POU6F2: variants seen among roughly 807,000 people sequenced by gnomAD.
POU6F2 encodes the protein POU class 6 homeobox 2, also known as POU domain, class 6, transcription factor 2.
POU6F2 carries 31 observed loss-of-function variants against 71.3 expected under a neutral mutation model. The observed-to-expected ratio is 0.43, with a 90% CI of 0.33 to 0.59. POU6F2 has a LOEUF of 0.59. Ranked by LOEUF, POU6F2 falls within the 20% of genes least tolerant of loss-of-function variation. POU6F2 has a pLI of 0.04. For missense variants in POU6F2, 783 were observed against 856.8 expected, an observed-to-expected ratio of 0.91 and a Z score of 1.07; for synonymous variants, 347 against 355.7, an observed-to-expected ratio of 0.98 and a Z score of 0.27.
chr7:39,316,623 T>C (rs1233156546), intron 4 of POU6F2, among the ~76,000 whole-genome samples: 2 of 152,312 alleles, frequency 1.3e-5, no homozygotes, highest in Middle Eastern at 3.4e-3. Context: ...AAGACTTATG[T>C]CTTGGGAGCC....
intron 2 of POU6F2, among the ~76,000 whole-genome samples, chr7:39,150,988 A>C: frequency 6.6e-6 from 1 of 152,208 alleles, no homozygotes; most frequent in Middle Eastern, 3.4e-3. Flanking sequence ...CTGAAAAAAA[A>C]ATTCTTCTGA....
chr7:39,463,234 T>C (rs1216704229), intron 9 of POU6F2, among the ~76,000 whole-genome samples: 1 of 152,236 alleles, frequency 6.6e-6, no homozygotes, highest in African/African-American at 2.4e-5. Flanking sequence ...CTTAAAACAC[T>C]CTATATAATT....
chr7:39,062,444 G>A (rs150375863), intron 1 of POU6F2, among the ~76,000 whole-genome samples: 10 of 151,506 alleles, frequency 6.6e-5, no homozygotes, highest in Middle Eastern at 3.4e-3. Flanking sequence ...TTTATATACA[G>A]TTAGACTTTG....
chr7:39,408,149 C>T (rs887869745), intron 6 of POU6F2, among the ~76,000 whole-genome samples: 2 of 152,156 alleles, frequency 1.3e-5, no homozygotes, highest in African/African-American at 2.4e-5. Context: ...CACATCAGGT[C>T]GCTGCTTCGT....
rs1292182510 is a variant in POU6F2 at position 39,082,787 on chromosome 7, A to G, written c.106-3073A>G. Among the ~76,000 whole-genome samples the G allele has an allele frequency of 7.7e-5, 10 of 130,692 alleles. No individual in the cohort carries two copies. In the South Asian group the frequency reaches 1.3e-3, roughly 17 times the overall value. The allele number at this position is 130,692 out of a possible 152,430, so 85.7% of individuals were successfully genotyped here. On this transcript the variant is annotated intron_variant, in intron 1 of 9. Transcript: ENST00000518318. The stretch of plus-strand genomic sequence containing the variant: ...CTCACTAGGGGTTTGCTGTTTAACC[A>G]TGTCATGCACACACACACACACACA...
rs574059376 is a variant in POU6F2 at position 39,450,174 on chromosome 7, G to T, written c.1321-1359G>T. 4.1e-4 allele frequency among the ~76,000 whole-genome samples: 62 copies of T among 152,268 alleles called. 1 individual carries two copies. Among genetic ancestry groups the T allele is most frequent in the South Asian group, 1.0e-3 (5 of 4,826 alleles). On this transcript the variant is annotated intron_variant, in intron 7 of 9. Coordinates refer to ENST00000518318, the MANE Select transcript of POU6F2 (RefSeq NM_001370959.1). ...CTGGGAAAGCAGTGACAAATATGAA[G>T]TTGAAACACCCCAGGCTGGCTCTTA...
chr7:39,299,105 A>G (rs970318703), intron 4 of POU6F2, among the ~76,000 whole-genome samples: 2 of 152,198 alleles, frequency 1.3e-5, no homozygotes, highest in Non-Finnish European at 2.9e-5. Flanking sequence ...GCAAACCACC[A>G]TGGCACATGT....
intron 4 of POU6F2, among the ~76,000 whole-genome samples, chr7:39,299,132 C>T (rs12701722): frequency 0.46 from 69,560 of 151,906 alleles, 16,744 homozygotes; most frequent in Admixed American, 0.59. Context: ...ATGTAACAAA[C>T]CTGCACGTTC....
chr7:39,403,800 C>G (rs1787356239), intron 5 of POU6F2, among the ~76,000 whole-genome samples: 1 of 152,210 alleles, frequency 6.6e-6, no homozygotes, highest in South Asian at 2.1e-4. Context: ...CAGTCACAGA[C>G]AGAGAAGCCA....
At position 39,276,818 on chromosome 7, in the gene POU6F2, C is replaced by CGCATG. The variant is rs1562773408; in HGVS notation, c.599-62823_599-62819dup. Among the ~76,000 whole-genome samples, 5 of 150,914 alleles carry CGCATG rather than the reference C, an allele frequency of 3.3e-5. No homozygotes were observed. In the South Asian group the frequency reaches 6.3e-4, roughly 19 times the overall value. ...ATCGCAAGGACAAAAAACCAAACAC[C>CGCATG]GCATGTTCTCAGTCATAGATGGGAA... is the stretch of plus-strand genomic sequence containing the variant. On this transcript the variant is annotated intron_variant, in intron 4 of 9. Coordinates refer to ENST00000518318, the MANE Select transcript of POU6F2 (RefSeq NM_001370959.1).
chr7:39,361,967 G>A (rs1786398146), intron 5 of POU6F2, among the ~76,000 whole-genome samples: 1 of 152,192 alleles, frequency 6.6e-6, no homozygotes, highest in South Asian at 2.1e-4. Flanking sequence ...CAAGCGGCCA[G>A]CAGACAGGGC....
chr7:39,385,835 G>A (rs1786925705), intron 5 of POU6F2, among the ~76,000 whole-genome samples: 1 of 152,088 alleles, frequency 6.6e-6, no homozygotes, highest in Non-Finnish European at 1.5e-5. Flanking sequence ...CCTTTCTAGG[G>A]TGGCCTACAT....
At chr7:39,409,441 C>G (rs561390510) in intron 6 of POU6F2, among the ~76,000 whole-genome samples, 4 of 152,304 alleles carry the variant, frequency 2.6e-5, no homozygotes, top group African/African-American at 9.6e-5. Flanking sequence ...AAGCAAGATT[C>G]ATTAGTTAAG....
chr7:39,033,707 G>A (rs1200721165), intron 1 of POU6F2, among the ~76,000 whole-genome samples: 4 of 152,150 alleles, frequency 2.6e-5, no homozygotes, highest in Admixed American at 2.6e-4. Flanking sequence ...TGACTTTGAC[G>A]TGCAGTCCCT....
chr7:39,105,595 C>A (rs1436082846), intron 2 of POU6F2, among the ~76,000 whole-genome samples: 1 of 152,050 alleles, frequency 6.6e-6, no homozygotes, highest in African/African-American at 2.4e-5. Context: ...GAAGGATATA[C>A]AAATAATTTC....
chr7:39,094,002 T>C (rs189826339), intron 2 of POU6F2, among the ~76,000 whole-genome samples: 36 of 152,274 alleles, frequency 2.4e-4, no homozygotes, highest in African/African-American at 7.0e-4. Context: ...AATAATAAGC[T>C]TTCTTTTAGT....
chr7:39,148,430 G>A (rs1584567947), intron 2 of POU6F2, among the ~76,000 whole-genome samples: 1 of 152,180 alleles, frequency 6.6e-6, no homozygotes. Context: ...GCATAACCAT[G>A]TGCTTGTCCC....
intron 4 of POU6F2, among the ~76,000 whole-genome samples, chr7:39,307,450 T>C (rs151040648): frequency 9.2e-5 from 14 of 152,324 alleles, no homozygotes; most frequent in African/African-American, 3.4e-4. Flanking sequence ...TTTCCTAAGT[T>C]TTTTGGTTAA....
chr7:39,340,115 A>G (rs1785883775), intron 5 of POU6F2, 100 bp downstream of exon 5: 1 of 1,423,296 alleles, frequency 7.0e-7, no homozygotes, highest in African/African-American at 1.4e-5. Context: ...AAAACTTAGC[A>G]TCCAGTTCTG....
Sources: allele counts gnomAD v4.1 joint callset (sites outside exome capture counted in the v4.1 genomes callset), GRCh38; gene constraint gnomAD v4.1.1; transcripts MANE v1.5; gene names NCBI Gene and HGNC (gene_info 2026-07-23, HGNC 2026-07-21).